The following HPSE2 variants were observed in gnomAD, a reference collection of about 807,000 sequenced individuals.
The protein encoded by HPSE2 is heparanase 2 (inactive), also known as inactive heparanase-2.
HPSE2 carries 38 observed loss-of-function variants against 60.5 expected under a neutral mutation model. That is an observed-to-expected ratio of 0.63 (90% CI 0.48 to 0.82). HPSE2 has a LOEUF of 0.82. Ranked by LOEUF, HPSE2 falls within the 40% of genes least tolerant of loss-of-function variation. The probability of loss-of-function intolerance (pLI) is 0.00; values close to 1 mark genes in which losing one functional copy is unlikely to be tolerated. For synonymous variants in HPSE2, 295 were observed against 293.2 expected, an observed-to-expected ratio of 1.01 and a Z score of -0.06; for missense variants, 713 against 740.4, an observed-to-expected ratio of 0.96 and a Z score of 0.43.
intron 3 of HPSE2, among the ~76,000 whole-genome samples, chr10:99,132,881 G>A (rs376749287): frequency 3.9e-5 from 6 of 152,176 alleles, no homozygotes; most frequent in African/African-American, 9.7e-5. Context: ...AAACGCCAGC[G>A]AGACAGAACT....
intron 9 of HPSE2, among the ~76,000 whole-genome samples, chr10:98,566,835 T>C (rs1589431535): frequency 1.3e-5 from 2 of 152,142 alleles, no homozygotes; most frequent in East Asian, 3.9e-4. Flanking sequence ...TTAGTTCCTG[T>C]CACTCCAGAT....
At chr10:98,635,696 C>T (rs620289) in intron 7 of HPSE2, among the ~76,000 whole-genome samples, 104,879 of 151,120 alleles carry the variant, frequency 0.69, 39,562 homozygotes, top group Non-Finnish European at 0.84. Context: ...GCAGGAGGAG[C>T]GCTTGAGCCC....
At chr10:99,182,012 G>A (rs1847797834) in intron 2 of HPSE2, among the ~76,000 whole-genome samples, 1 of 152,140 alleles carries the variant, frequency 6.6e-6, no homozygotes, top group South Asian at 2.1e-4. Flanking sequence ...GCCCTCAGAA[G>A]AAACTAAACC....
chr10:98,579,459 C>G (rs1347072838), intron 9 of HPSE2, among the ~76,000 whole-genome samples: 1 of 152,162 alleles, frequency 6.6e-6, no homozygotes, highest in Admixed American at 6.5e-5. Flanking sequence ...CTGTGGTAAG[C>G]AAGTCACTCA....
intron 2 of HPSE2, among the ~76,000 whole-genome samples, chr10:99,149,376 T>C (rs1173415482): frequency 6.6e-6 from 1 of 152,202 alleles, no homozygotes; most frequent in Non-Finnish European, 1.5e-5. Flanking sequence ...TTTTCACCTA[T>C]ATTATGTGAA....
At chr10:99,186,135 C>CACACAT (rs1564879705) in intron 2 of HPSE2, among the ~76,000 whole-genome samples, 1 of 150,790 alleles carries the variant, frequency 6.6e-6, no homozygotes, top group South Asian at 2.1e-4. Flanking sequence ...CACACACACA[C>CACACAT]ACACACACAC....
chr10:99,137,653 C>T (rs1845711429), intron 3 of HPSE2, among the ~76,000 whole-genome samples: 1 of 152,130 alleles, frequency 6.6e-6, no homozygotes, highest in African/African-American at 2.4e-5. Context: ...AAAAGATTCC[C>T]TATTTAATAA....
At chr10:99,106,061 T>C (rs940079934) in intron 3 of HPSE2, among the ~76,000 whole-genome samples, 3 of 152,156 alleles carry the variant, frequency 2.0e-5, no homozygotes, top group African/African-American at 7.2e-5. Flanking sequence ...AATTTGTTCT[T>C]CCTTTTTCAA....
At chr10:99,068,521 C>T (rs1282617007) in intron 3 of HPSE2, among the ~76,000 whole-genome samples, 1 of 152,130 alleles carries the variant, frequency 6.6e-6, no homozygotes, top group African/African-American at 2.4e-5. Flanking sequence ...ACCATGAGAA[C>T]AGTGTGGAAG....
chr10:99,165,429 C>A (rs1847036926), intron 2 of HPSE2, among the ~76,000 whole-genome samples: 1 of 152,070 alleles, frequency 6.6e-6, no homozygotes, highest in African/African-American at 2.4e-5. Flanking sequence ...CTTACGTTCC[C>A]CCAATATCCT....
intron 3 of HPSE2, among the ~76,000 whole-genome samples, chr10:99,037,938 A>G (rs1259114608): frequency 6.6e-6 from 1 of 152,180 alleles, no homozygotes; most frequent in Non-Finnish European, 1.5e-5. Flanking sequence ...CACATGAAAA[A>G]ATGTTCAATA....
the HPSE2 span, among the ~76,000 whole-genome samples, chr10:99,303,168 G>A: frequency 1.3e-5 from 2 of 152,228 alleles, no homozygotes; most frequent in East Asian, 1.9e-4. Flanking sequence ...CTCAGGTAAC[G>A]CAGCAAAAGC....
chr10:98,692,833 T>G (rs921422227), intron 6 of HPSE2, among the ~76,000 whole-genome samples: 1 of 152,160 alleles, frequency 6.6e-6, no homozygotes, highest in Admixed American at 6.5e-5. Flanking sequence ...TGGAACTTGT[T>G]TTTTAGGGAA....
the HPSE2 span, among the ~76,000 whole-genome samples, chr10:99,291,063 A>T: frequency 6.6e-6 from 1 of 152,170 alleles, no homozygotes; most frequent in African/African-American, 2.4e-5. Context: ...AACCATGAAG[A>T]AGCCCCCTTC....
intron 3 of HPSE2, among the ~76,000 whole-genome samples, chr10:98,843,049 A>G (rs1223602545): frequency 6.6e-6 from 1 of 151,982 alleles, no homozygotes; most frequent in Non-Finnish European, 1.5e-5. Flanking sequence ...TTTTAATTTA[A>G]CTTCTAAGTT....
At chr10:98,886,716 T>G (rs1953176230) in intron 3 of HPSE2, among the ~76,000 whole-genome samples, 1 of 152,008 alleles carries the variant, frequency 6.6e-6, no homozygotes, top group Non-Finnish European at 1.5e-5. Context: ...AGCTAATCAG[T>G]AGTGGAGATA....
At chr10:98,625,146 C>T (rs1423411081) in intron 7 of HPSE2, among the ~76,000 whole-genome samples, 1 of 152,232 alleles carries the variant, frequency 6.6e-6, no homozygotes, top group Non-Finnish European at 1.5e-5. Context: ...TGCCCTTGCA[C>T]AAGCTTACAG....
chr10:98,861,167 A>G (rs1039497240), intron 3 of HPSE2, among the ~76,000 whole-genome samples: 2 of 152,206 alleles, frequency 1.3e-5, no homozygotes, highest in Admixed American at 6.5e-5. Flanking sequence ...TAACCAAGAC[A>G]TTCTTTTCAA....
At chr10:99,056,993 G>T (rs529766876) in intron 3 of HPSE2, among the ~76,000 whole-genome samples, 30 of 152,238 alleles carry the variant, frequency 2.0e-4, no homozygotes, top group Middle Eastern at 3.4e-3. Context: ...AAAAGAGTAC[G>T]TATGAAGTAT....
Sources: gnomAD v4.1 joint callset for allele counts (sites outside exome capture counted in the v4.1 genomes callset) on GRCh38, gnomAD v4.1.1 for gene constraint, MANE v1.5 for transcripts, NCBI Gene and HGNC (gene_info 2026-07-23, HGNC 2026-07-21) for gene names.